The following PRELID2 variants were observed in gnomAD, a reference collection of about 807,000 sequenced individuals.
PRELID2 encodes the protein PRELI domain containing 2, also known as PRELI domain-containing protein 2.
Under a neutral mutation model 28.4 loss-of-function variants are expected in PRELID2, and 25 were observed. That is an observed-to-expected ratio of 0.88 (90% confidence interval 0.64 to 1.23). The LOEUF (loss-of-function observed/expected upper bound fraction) is 1.23, where lower values mean the gene tolerates loss of function less well. Ranked by LOEUF, PRELID2 falls within the 50% of genes most tolerant of loss-of-function variation. The probability of loss-of-function intolerance (pLI) is 0.00; values close to 1 mark genes in which losing one functional copy is unlikely to be tolerated. For missense variants in PRELID2, 201 were observed against 214.4 expected, an observed-to-expected ratio of 0.94 and a Z score of 0.39; for synonymous variants, 76 against 71.6, an observed-to-expected ratio of 1.06 and a Z score of -0.31.
At chr5:145,650,151 T>C (rs1324009169) in intron 1 of PRELID2, among the ~76,000 whole-genome samples, 2 of 151,742 alleles carry the variant, frequency 1.3e-5, no homozygotes, top group Non-Finnish European at 2.9e-5. Context: ...AATGAAACTT[T>C]AAAGTTTTAC....
At chr5:145,377,627 T>C in the PRELID2 span, among the ~76,000 whole-genome samples, 3 of 152,210 alleles carry the variant, frequency 2.0e-5, no homozygotes, top group African/African-American at 7.2e-5. Flanking sequence ...AATGTCCTTC[T>C]TTGTCTTTTT....
intron 1 of PRELID2, among the ~76,000 whole-genome samples, chr5:145,618,309 G>T: frequency 6.6e-6 from 1 of 152,196 alleles, no homozygotes; most frequent in East Asian, 1.9e-4. Flanking sequence ...ATTCGGATAG[G>T]CTCTGTTAGA....
chr5:145,500,877 C>A (rs1313544332), intron 1 of PRELID2, among the ~76,000 whole-genome samples: 1 of 152,076 alleles, frequency 6.6e-6, no homozygotes. Flanking sequence ...CTCTAACATT[C>A]CCTCTTGTCC....
intron 1 of PRELID2, among the ~76,000 whole-genome samples, chr5:145,511,072 C>G (rs1213716620): frequency 6.6e-6 from 1 of 152,204 alleles, no homozygotes; most frequent in Non-Finnish European, 1.5e-5. Context: ...TGATGTCAGT[C>G]ATGTCGCCTC....
At chr5:145,240,574 C>T in the PRELID2 span, among the ~76,000 whole-genome samples, 1 of 151,908 alleles carries the variant, frequency 6.6e-6, no homozygotes, top group Non-Finnish European at 1.5e-5. Context: ...TATCAGGCAG[C>T]TGGGTTGTTT....
the PRELID2 span, among the ~76,000 whole-genome samples, chr5:145,307,662 T>C: frequency 6.6e-6 from 1 of 152,274 alleles, no homozygotes; most frequent in African/African-American, 2.4e-5. Flanking sequence ...GGTCATTCAG[T>C]TCAGCATGGA....
chr5:145,820,706 T>C (rs1054334384), intron 2 of PRELID2, among the ~76,000 whole-genome samples: 1 of 152,122 alleles, frequency 6.6e-6, no homozygotes, highest in African/African-American at 2.4e-5. Flanking sequence ...GAAGAAGGAA[T>C]TCGACTGAGG....
intron 1 of PRELID2, among the ~76,000 whole-genome samples, chr5:145,829,028 T>C (rs1268351491): frequency 6.6e-6 from 1 of 151,376 alleles, no homozygotes; most frequent in Non-Finnish European, 1.5e-5. Flanking sequence ...TTTGTTTTTG[T>C]GTCTGTGTGG....
chr5:145,304,218 T>G, the PRELID2 span, among the ~76,000 whole-genome samples: 2 of 152,190 alleles, frequency 1.3e-5, no homozygotes, highest in Admixed American at 1.3e-4. Context: ...TAATGCCTTA[T>G]TTTCAAAATC....
At chr5:145,641,964 G>A (rs370349806) in intron 1 of PRELID2, among the ~76,000 whole-genome samples, 10 of 152,214 alleles carry the variant, frequency 6.6e-5, no homozygotes, top group Non-Finnish European at 1.2e-4. Context: ...GAATAGTGCC[G>A]CAATATACAT....
the PRELID2 span, among the ~76,000 whole-genome samples, chr5:145,466,302 T>C: frequency 2.6e-5 from 4 of 152,108 alleles, no homozygotes; most frequent in Non-Finnish European, 4.4e-5. Flanking sequence ...ATACAAATGA[T>C]AATAATTAAT....
intron 1 of PRELID2, among the ~76,000 whole-genome samples, chr5:145,647,558 C>CT (rs2149668361): frequency 6.6e-6 from 1 of 152,260 alleles, no homozygotes; most frequent in Admixed American, 6.5e-5. Flanking sequence ...ATTCCAGGTG[C>CT]CACTGGCATA....
At chr5:145,391,075 A>G in the PRELID2 span, among the ~76,000 whole-genome samples, 10 of 152,072 alleles carry the variant, frequency 6.6e-5, no homozygotes, top group African/African-American at 2.2e-4. Context: ...CCTCCCGCCT[A>G]CTTTCATGGG....
intron 1 of PRELID2, among the ~76,000 whole-genome samples, chr5:145,690,632 C>T (rs957525814): frequency 3.3e-5 from 5 of 152,196 alleles, no homozygotes; most frequent in African/African-American, 1.2e-4. Context: ...CAAGCTGTAA[C>T]TGAAGCCAAA....
intron 1 of PRELID2, among the ~76,000 whole-genome samples, chr5:145,535,438 A>G (rs1229809656): frequency 6.6e-6 from 1 of 151,902 alleles, no homozygotes; most frequent in African/African-American, 2.4e-5. Flanking sequence ...AATTCAATTC[A>G]ATATTTATTT....
intron 1 of PRELID2, among the ~76,000 whole-genome samples, chr5:145,486,709 C>T (rs1752221718): frequency 6.6e-6 from 1 of 152,160 alleles, no homozygotes; most frequent in South Asian, 2.1e-4. Flanking sequence ...AATACATCTT[C>T]TACTACCTTA....
At chr5:145,315,218 TGCCACCAC>T in the PRELID2 span, among the ~76,000 whole-genome samples, 4 of 151,758 alleles carry the variant, frequency 2.6e-5, no homozygotes, top group African/African-American at 9.7e-5. Flanking sequence ...TACAGGCACG[TGCCACCAC>T]GCCCAGCTAA....
chr5:145,676,229 A>T (rs1309905200), intron 1 of PRELID2, among the ~76,000 whole-genome samples: 1 of 148,062 alleles, frequency 6.8e-6, no homozygotes, highest in Non-Finnish European at 1.5e-5. Flanking sequence ...TCAAAAAAAA[A>T]AAAAAAAAAA....
At chr5:145,419,848 G>T in the PRELID2 span, among the ~76,000 whole-genome samples, 1 of 151,868 alleles carries the variant, frequency 6.6e-6, no homozygotes, top group Non-Finnish European at 1.5e-5. Flanking sequence ...TTCTTCTAGG[G>T]TTTTTATGGT....
Sources: allele counts gnomAD v4.1 joint callset (sites outside exome capture counted in the v4.1 genomes callset), GRCh38; gene constraint gnomAD v4.1.1; transcripts MANE v1.5; gene names NCBI Gene and HGNC (gene_info 2026-07-23, HGNC 2026-07-21).